Variants in NR1H4 observed in about 807,000 individuals in gnomAD.
NR1H4 encodes bile acid receptor.
A neutral mutation model predicts 58.5 loss-of-function variants in NR1H4; 23 were observed. The ratio of observed to expected loss-of-function variants is 0.39; its 90% CI spans 0.28 to 0.56. The LOEUF (loss-of-function observed/expected upper bound fraction) is 0.56. Among genes scored for constraint, NR1H4 ranks in the 20% least tolerant of loss-of-function variants. NR1H4 has a pLI of 0.58. For missense variants in NR1H4, 487 were observed against 576.9 expected, an observed-to-expected ratio of 0.84 and a Z score of 1.60; for synonymous variants, 214 against 198.0, an observed-to-expected ratio of 1.08 and a Z score of -0.68.
chr12:100,507,429 CG>C (rs1953993526), intron 3 of NR1H4, among the ~76,000 whole-genome samples: 2 of 151,834 alleles, frequency 1.3e-5, no homozygotes, highest in African/African-American at 4.8e-5. Context: ...CAGACATACT[CG>C]TTTTTTTGTT....
intron 1 of NR1H4, among the ~76,000 whole-genome samples, chr12:100,477,149 G>A (rs1056342679): frequency 1.3e-5 from 2 of 151,912 alleles, no homozygotes; most frequent in Non-Finnish European, 2.9e-5. Context: ...CCCTCAGTTT[G>A]CCCATTTCCA....
chr12:100,513,801 A>AAAGGAAGGAAGGAAGG (rs199813041), intron 4 of NR1H4, among the ~76,000 whole-genome samples: 71 of 115,982 alleles, frequency 6.1e-4, no homozygotes, highest in South Asian at 8.9e-4. Flanking sequence ...TCAAAGACAG[A>AAAGGAAGGAAGGAAGG]AAGGAAGGAA....
rs540084497 is a variant in NR1H4 at position 100,559,176 on chromosome 12, G to C, written c.1079-2709G>C. On this transcript the variant is annotated intron_variant, in intron 9 of 10. Coordinates refer to ENST00000392986, the MANE Select transcript of NR1H4 (RefSeq NM_001206979.2). ...AGAGAGAAAGTATGTGATGTGATCT[G>C]ATTTTTAGAAAGGTCATTCCAATGA... Among the ~76,000 whole-genome samples the C allele has an allele frequency of 5.9e-3, 875 of 149,466 alleles. 7 individuals carry two copies. The highest frequency in any genetic ancestry group is 0.02 in the African/African-American group (824 of 40,560).
chr12:100,487,408 A>G (rs1953514412), intron 1 of NR1H4, among the ~76,000 whole-genome samples: 1 of 152,148 alleles, frequency 6.6e-6, no homozygotes, highest in African/African-American at 2.4e-5. Context: ...TTATTAAGTT[A>G]ACAAACTATT....
chr12:100,508,595 G>T (rs758156236), intron 3 of NR1H4, among the ~76,000 whole-genome samples: 1 of 152,066 alleles, frequency 6.6e-6, no homozygotes, highest in Non-Finnish European at 1.5e-5. Context: ...GTGCCTCATG[G>T]TACTCATTTG....
intron 4 of NR1H4, among the ~76,000 whole-genome samples, chr12:100,520,814 G>A (rs543280333): frequency 2.6e-5 from 4 of 152,258 alleles, no homozygotes; most frequent in South Asian, 4.1e-4. Context: ...TGTTAGCTGC[G>A]AAGGAAGTCT....
intron 3 of NR1H4, chr12:100,503,439 T>C (rs1037687738): frequency 7.5e-6 from 12 of 1,597,720 alleles, no homozygotes; most frequent in Non-Finnish European, 1.0e-5. Flanking sequence ...TAGTCCTCAC[T>C]GCAGCTGTAC....
At chr12:100,505,645 G>A in intron 3 of NR1H4, 1 of 700,674 alleles carries the variant, frequency 1.4e-6, no homozygotes, top group Non-Finnish European at 2.6e-6. Flanking sequence ...CTTCCATGGA[G>A]AACCGTCACA....
At chr12:100,561,423 T>G (rs548260519) in intron 9 of NR1H4, among the ~76,000 whole-genome samples, 31 of 151,754 alleles carry the variant, frequency 2.0e-4, no homozygotes, top group Middle Eastern at 6.8e-3. Context: ...AATAAATAAA[T>G]AAAGAACCCT....
chr12:100,503,606 G>A lies in NR1H4; in HGVS notation c.80-7172G>A, dbSNP rs543990670. 29 of 1,120,106 alleles carry A rather than the reference G, an allele frequency of 2.6e-5. No homozygotes were observed. The South Asian group carries it at 5.5e-4, about 21-fold the overall frequency. The allele number at this position is 1,120,106 out of a possible 1,614,324, so 69.4% of individuals were successfully genotyped here. ...TAACAGATGTCTGTCAAAGATAGTGGCTCAGTCAGACCCAGAAGACTGGAA... is the reference window on the plus strand; with the variant it reads ...TAACAGATGTCTGTCAAAGATAGTGACTCAGTCAGACCCAGAAGACTGGAA... On this transcript the variant is annotated intron_variant, in intron 3 of 10. Coordinates refer to ENST00000392986, the MANE Select transcript of NR1H4 (RefSeq NM_001206979.2).
intron 10 of NR1H4, 76 bp downstream of exon 10, chr12:100,562,074 C>A (rs1955488548): frequency 1.3e-6 from 1 of 757,914 alleles, no homozygotes; most frequent in Non-Finnish European, 2.3e-6. Flanking sequence ...TGAAAAAAAT[C>A]TGGAAAACAT....
At chr12:100,556,084 G>T (rs1439745813) in intron 9 of NR1H4, among the ~76,000 whole-genome samples, 1 of 152,106 alleles carries the variant, frequency 6.6e-6, no homozygotes, top group Non-Finnish European at 1.5e-5. Context: ...AAACGGCAAG[G>T]ATTTAATTTG....
At chr12:100,514,562 C>T (rs1002104125) in intron 4 of NR1H4, among the ~76,000 whole-genome samples, 1 of 152,106 alleles carries the variant, frequency 6.6e-6, no homozygotes, top group Non-Finnish European at 1.5e-5. Flanking sequence ...GTAGCAACCC[C>T]CCACTTGTGA....
intron 9 of NR1H4, among the ~76,000 whole-genome samples, chr12:100,551,513 T>C (rs1449182542): frequency 6.6e-6 from 1 of 152,232 alleles, no homozygotes. Flanking sequence ...AATTTAGAAA[T>C]CTTAACACCT....
chr12:100,551,905 A>G (rs1004285216), intron 9 of NR1H4, among the ~76,000 whole-genome samples: 31 of 152,242 alleles, frequency 2.0e-4, no homozygotes, highest in Admixed American at 1.0e-3. Flanking sequence ...AATACCTAAT[A>G]CAATGTAAGT....
At chr12:100,505,411 G>C (rs1953935973) in intron 3 of NR1H4, among the ~76,000 whole-genome samples, 1 of 152,146 alleles carries the variant, frequency 6.6e-6, no homozygotes, top group Non-Finnish European at 1.5e-5. Flanking sequence ...AGTATCACTA[G>C]CCACATTCCA....
At chr12:100,553,103 AT>A (rs1955241798) in intron 9 of NR1H4, among the ~76,000 whole-genome samples, 1 of 152,018 alleles carries the variant, frequency 6.6e-6, no homozygotes, top group African/African-American at 2.4e-5. Context: ...GGTTCAAGCA[AT>A]TCTCCTGCCT....
intron 9 of NR1H4, among the ~76,000 whole-genome samples, chr12:100,550,610 T>G (rs1275351292): frequency 2.6e-5 from 4 of 151,944 alleles, no homozygotes; most frequent in Non-Finnish European, 5.9e-5. Flanking sequence ...AGGTGATCTT[T>G]CCGCCTCAGC....
intron 1 of NR1H4, among the ~76,000 whole-genome samples, chr12:100,478,933 A>C (rs1953325238): frequency 6.6e-6 from 1 of 152,184 alleles, no homozygotes; most frequent in African/African-American, 2.4e-5. Flanking sequence ...ATAATCTCAT[A>C]GGTGAAAATG....
Sources: gnomAD v4.1 joint callset for allele counts (sites outside exome capture counted in the v4.1 genomes callset) on GRCh38, gnomAD v4.1.1 for gene constraint, MANE v1.5 for transcripts, NCBI Gene and HGNC (gene_info 2026-07-23, HGNC 2026-07-21) for gene names.